The following HSPA4 variants were observed in gnomAD, a reference collection of about 807,000 sequenced individuals.
HSPA4 encodes heat shock 70 kDa protein 4.
A neutral mutation model predicts 106.2 loss-of-function variants in HSPA4; 25 were observed. The ratio of observed to expected loss-of-function variants is 0.24; its 90% confidence interval spans 0.17 to 0.33. The LOEUF (loss-of-function observed/expected upper bound fraction) is 0.33, where lower values mean the gene tolerates loss of function less well. Among genes scored for constraint, HSPA4 ranks in the 10% least tolerant of loss-of-function variants. The probability of loss-of-function intolerance (pLI) is 1.00; values close to 1 mark genes in which losing one functional copy is unlikely to be tolerated. For synonymous variants in HSPA4, 332 were observed against 333.6 expected (o/e 1.00, Z 0.05); for missense variants, 841 against 996.0 (o/e 0.84, Z 2.10).
intron 7 of HSPA4, among the ~76,000 whole-genome samples, chr5:133,077,880 A>T (rs938915388): frequency 1.3e-5 from 2 of 152,180 alleles, no homozygotes; most frequent in African/African-American, 2.4e-5. Context: ...GTTAAGCAGC[A>T]GTCTTGTGTG....
chr5:133,057,032 C>G (rs1269445702), intron 1 of HSPA4, among the ~76,000 whole-genome samples: 1 of 151,844 alleles, frequency 6.6e-6, no homozygotes, highest in South Asian at 2.1e-4. Flanking sequence ...TGGAAGTTTA[C>G]CTTTTGGGTT....
At chr5:133,089,801 C>CT in intron 11 of HSPA4, 106 bp downstream of exon 11, 1 of 851,072 alleles carries the variant, frequency 1.2e-6, no homozygotes, top group Non-Finnish European at 1.7e-6. Flanking sequence ...ATCACTTGAG[C>CT]TGAGGAGTTC....
At chr5:133,076,922 TTAAAG>T (rs745515464) in intron 7 of HSPA4, 24 bp downstream of exon 7, 22 of 1,573,070 alleles carry the variant, frequency 1.4e-5, no homozygotes, top group Middle Eastern at 3.4e-4. Flanking sequence ...TATTTCGATG[TTAAAG>T]TGAAGAGTGA....
chr5:133,071,386 T>C (rs1220440787), intron 4 of HSPA4, among the ~76,000 whole-genome samples: 2 of 151,922 alleles, frequency 1.3e-5, no homozygotes, highest in Non-Finnish European at 2.9e-5. Context: ...AGTTTGAGGC[T>C]GCAGTGAGCT....
intron 1 of HSPA4, among the ~76,000 whole-genome samples, chr5:133,058,507 G>T (rs1039986424): frequency 2.0e-5 from 3 of 151,322 alleles, no homozygotes; most frequent in African/African-American, 7.3e-5. Context: ...GTGAAACCTT[G>T]TCTCTACTAA....
chr5:133,059,372 C>T (rs191281226), intron 1 of HSPA4, among the ~76,000 whole-genome samples: 82 of 150,728 alleles, frequency 5.4e-4, no homozygotes, highest in African/African-American at 1.4e-3. Flanking sequence ...CACTTGAACC[C>T]GGGAGGCAGA....
chr5:133,060,851 G>C lies in HSPA4; in HGVS notation c.108-4129G>C, dbSNP rs939919077. Among the ~76,000 whole-genome samples, 40 of 129,288 alleles carry C rather than the reference G, an allele frequency of 3.1e-4. 1 individual carries two copies. In the South Asian group the frequency reaches 9.3e-3, roughly 30 times the overall value. 84.8% of individuals were successfully genotyped at this position (129,288 alleles called of 152,430 possible). A position where few individuals can be genotyped will look rare whatever the true frequency, so the allele number is the denominator to read the frequency against. ...TTTTTTTTTTTTGAGACAAGGTCTC[G>C]CTCTGTCACTCAGGGTGGAGTGTAG... On this transcript the variant is annotated intron_variant, in intron 1 of 18. Transcript: ENST00000304858.
At chr5:133,064,305 A>C (rs1244108508) in intron 1 of HSPA4, among the ~76,000 whole-genome samples, 1 of 152,208 alleles carries the variant, frequency 6.6e-6, no homozygotes, top group East Asian at 1.9e-4. Context: ...CAGGAGTTCG[A>C]TACCAGCCTG....
intron 7 of HSPA4, among the ~76,000 whole-genome samples, chr5:133,081,843 T>G (rs529476578): frequency 6.6e-6 from 1 of 152,196 alleles, no homozygotes; most frequent in African/African-American, 2.4e-5. Context: ...CCAGCCTGGG[T>G]GACAGAGGGA....
At chr5:133,073,892 A>G (rs113311636) in intron 5 of HSPA4, 101 bp from the exon 6 acceptor site, 19 of 654,522 alleles carry the variant, frequency 2.9e-5, no homozygotes, top group African/African-American at 1.9e-4. Context: ...AACATAACAC[A>G]TGTAGTTGCA....
intron 1 of HSPA4, among the ~76,000 whole-genome samples, chr5:133,055,451 A>G (rs985137242): frequency 2.0e-5 from 3 of 150,212 alleles, no homozygotes; most frequent in East Asian, 2.0e-4. Context: ...AGGGTTTATG[A>G]TGGTGGAAGT....
chr5:133,086,383 T>G (rs919494011), intron 7 of HSPA4, among the ~76,000 whole-genome samples: 3 of 152,260 alleles, frequency 2.0e-5, no homozygotes, highest in Non-Finnish European at 4.4e-5. Context: ...GCATAATGTT[T>G]TCATGTGTTG....
In HSPA4 at chr5:133,082,052, TAAAAC is replaced by T. The variant is rs371864947; in HGVS notation, c.909-4728_909-4724del. Among the ~76,000 whole-genome samples the T allele has an allele frequency of 2.7e-3, 416 of 152,194 alleles. 4 individuals carry two copies. Among genetic ancestry groups the T allele is most frequent in the African/African-American group, 9.5e-3 (395 of 41,544 alleles). On this transcript the variant is annotated intron_variant, in intron 7 of 18. Coordinates refer to ENST00000304858, the MANE Select transcript of HSPA4 (RefSeq NM_002154.4). ...TTCATCAACTGATGAAGTGGGTAAATAAAACATGCTATGTTCATACAATGGGATAT... is the reference window on the plus strand; with the variant it reads ...TTCATCAACTGATGAAGTGGGTAAATATGCTATGTTCATACAATGGGATAT...
In HSPA4 at chr5:133,097,111, A is replaced by T. The variant is rs755557422; in HGVS notation, c.1804-50A>T. ...TTTTATAATTATATTGGTATTTAAG[A>T]GGAAATTAGTTGTCCTAATGTCTGA... On this transcript the variant is annotated intron_variant, in intron 14 of 18. Transcript: ENST00000304858. The T allele has an allele frequency of 1.8e-4, 262 of 1,461,436 alleles. 4 individuals carry two copies. The South Asian group carries it at 2.4e-3, about 13-fold the overall frequency. 90.5% of individuals were successfully genotyped at this position (1,461,436 alleles called of 1,614,324 possible). A position where few individuals can be genotyped will look rare whatever the true frequency, so the allele number is the denominator to read the frequency against.
At chr5:133,075,337 G>A (rs1765434580) in intron 6 of HSPA4, among the ~76,000 whole-genome samples, 1 of 152,036 alleles carries the variant, frequency 6.6e-6, no homozygotes, top group Admixed American at 6.5e-5. Context: ...ATTTAGCCTG[G>A]CTTTGGATCA....
At chr5:133,103,201 A>G (rs1765811075) in intron 17 of HSPA4, among the ~76,000 whole-genome samples, 1 of 151,726 alleles carries the variant, frequency 6.6e-6, no homozygotes, top group South Asian at 2.1e-4. Flanking sequence ...AGCTGGGACT[A>G]TAGGCACATG....
Position 133,056,063 on chromosome 5 carries a change from C to T in HSPA4, c.107+3706C>T, listed in dbSNP as rs539812977. Among the ~76,000 whole-genome samples, 6 of 152,116 alleles carry T rather than the reference C, an allele frequency of 3.9e-5. No individual in the cohort carries two copies. The South Asian group carries it at 1.3e-3, about 32-fold the overall frequency. On this transcript the variant is annotated intron_variant, in intron 1 of 18. Coordinates refer to ENST00000304858, the MANE Select transcript of HSPA4 (RefSeq NM_002154.4). ...CTGCACTCCAACCTAGGTGACAGAG[C>T]GAGACTCTGTCTCAAAAATAAGTTG... is the stretch of plus-strand genomic sequence containing the variant.
At position 133,104,043 on chromosome 5, in the gene HSPA4, T is replaced by C; in HGVS notation, c.2319+17T>C. ...AAAATTAAGGTAATTTAAGACTTTTTTTTAATAGTCTTTTCTTGACAGCCT... is the reference window on the plus strand; with the variant it reads ...AAAATTAAGGTAATTTAAGACTTTTCTTTAATAGTCTTTTCTTGACAGCCT... On this transcript the variant is annotated intron_variant, in intron 18 of 18. Transcript: ENST00000304858. The C allele has an allele frequency of 6.3e-7, 1 of 1,596,198 alleles. No homozygotes were observed. The highest frequency in any genetic ancestry group is 8.6e-7 in the Non-Finnish European group (1 of 1,167,132).
intron 10 of HSPA4, 134 bp from the exon 11 acceptor site, chr5:133,089,428 C>T (rs1417647419): frequency 2.5e-5 from 20 of 801,584 alleles, no homozygotes; most frequent in Non-Finnish European, 3.8e-5. Flanking sequence ...CTTGGGAACT[C>T]TTATAATCTG....
Sources: gnomAD v4.1 joint callset for allele counts (sites outside exome capture counted in the v4.1 genomes callset) on GRCh38, gnomAD v4.1.1 for gene constraint, MANE v1.5 for transcripts, NCBI Gene and HGNC (gene_info 2026-07-23, HGNC 2026-07-21) for gene names.